ALCAM: variants seen among roughly 807,000 people sequenced by gnomAD.
ALCAM encodes activated leukocyte cell adhesion molecule.
A neutral mutation model predicts 70.9 loss-of-function variants in ALCAM; 30 were observed. That is an observed-to-expected ratio of 0.42 (90% CI 0.32 to 0.57). ALCAM has a LOEUF of 0.57. Among genes scored for constraint, ALCAM ranks in the 20% least tolerant of loss-of-function variants. The probability of loss-of-function intolerance (pLI) is 0.11; values close to 1 mark genes in which losing one functional copy is unlikely to be tolerated. For missense variants in ALCAM, 591 were observed against 695.1 expected (o/e 0.85, Z 1.68); for synonymous variants, 249 against 242.5 (o/e 1.03, Z -0.25).
intron 1 of ALCAM, among the ~76,000 whole-genome samples, chr3:105,392,752 T>A (rs1935856017): frequency 6.6e-6 from 1 of 151,960 alleles, no homozygotes; most frequent in African/African-American, 2.4e-5. Context: ...GCTTTAGCTG[T>A]GTCCCAGAGA....
chr3:105,447,456 T>G (rs777053869), intron 1 of ALCAM, among the ~76,000 whole-genome samples: 1 of 152,188 alleles, frequency 6.6e-6, no homozygotes, highest in Non-Finnish European at 1.5e-5. Flanking sequence ...CTCAGCACTT[T>G]GAGAGGCCAA....
At chr3:105,379,168 T>C (rs2107330483) in intron 1 of ALCAM, among the ~76,000 whole-genome samples, 1 of 152,154 alleles carries the variant, frequency 6.6e-6, no homozygotes, top group East Asian at 1.9e-4. Flanking sequence ...ATTTATATTA[T>C]GTTTGTCAGT....
intron 1 of ALCAM, among the ~76,000 whole-genome samples, chr3:105,451,866 G>A (rs1000557657): frequency 1.3e-5 from 2 of 152,006 alleles, no homozygotes; most frequent in Admixed American, 6.6e-5. Flanking sequence ...CACTGCGTTG[G>A]TTTGCCACCT....
intron 1 of ALCAM, among the ~76,000 whole-genome samples, chr3:105,435,305 C>G (rs997957463): frequency 6.6e-6 from 1 of 152,214 alleles, no homozygotes; most frequent in East Asian, 1.9e-4. Context: ...AACGTGTCTC[C>G]TAGAGCTGTT....
intron 2 of ALCAM, 26 bp downstream of exon 2, chr3:105,520,193 G>T: frequency 1.4e-6 from 2 of 1,461,922 alleles, no homozygotes; most frequent in Non-Finnish European, 1.9e-6. Context: ...CTGGGACTTG[G>T]TTAATTGCCC....
Position 105,461,072 on chromosome 3 carries a change from A to G in ALCAM, c.74-58995A>G, listed in dbSNP as rs1281067056. Among the ~76,000 whole-genome samples, 2 of 151,380 alleles carry G rather than the reference A, an allele frequency of 1.3e-5. 1 individual carries two copies. The highest frequency in any genetic ancestry group is 4.2e-4 in the South Asian group (2 of 4,818). ...GGGTGAATGTATTACTATGAAGTATAATACAGGGGTTAAAATCTCACATAT... is the reference window on the plus strand; with the variant it reads ...GGGTGAATGTATTACTATGAAGTATGATACAGGGGTTAAAATCTCACATAT... On this transcript the variant is annotated intron_variant, in intron 1 of 15. Transcript: ENST00000306107.
chr3:105,538,477 A>C (rs1940027391), intron 6 of ALCAM, among the ~76,000 whole-genome samples: 1 of 152,158 alleles, frequency 6.6e-6, no homozygotes, highest in Non-Finnish European at 1.5e-5. Flanking sequence ...GTCAAAACGC[A>C]AATGTGTTAC....
chr3:105,471,255 G>A (rs555891423), intron 1 of ALCAM, among the ~76,000 whole-genome samples: 13 of 151,112 alleles, frequency 8.6e-5, no homozygotes, highest in Non-Finnish European at 1.5e-4. Context: ...TTCTTTTTTG[G>A]AAGCCGGAAT....
At chr3:105,428,689 C>T (rs1936856112) in intron 1 of ALCAM, among the ~76,000 whole-genome samples, 1 of 151,858 alleles carries the variant, frequency 6.6e-6, no homozygotes, top group African/African-American at 2.4e-5. Context: ...TTTGCCTCTC[C>T]TATAGAAACA....
chr3:105,507,622 A>G (rs1939117694), intron 1 of ALCAM, among the ~76,000 whole-genome samples: 1 of 151,860 alleles, frequency 6.6e-6, no homozygotes. Flanking sequence ...TTTATTGCTA[A>G]ATAATATTTC....
intron 1 of ALCAM, among the ~76,000 whole-genome samples, chr3:105,518,714 G>C (rs903296990): frequency 2.6e-5 from 4 of 152,010 alleles, no homozygotes; most frequent in African/African-American, 9.7e-5. Flanking sequence ...TAAGCAATTT[G>C]AAGTAAACCT....
intron 15 of ALCAM, among the ~76,000 whole-genome samples, chr3:105,573,231 G>A (rs1940894085): frequency 6.6e-6 from 1 of 152,158 alleles, no homozygotes; most frequent in Non-Finnish European, 1.5e-5. Flanking sequence ...AGTGGCTGAG[G>A]CAGGGGAATC....
intron 1 of ALCAM, among the ~76,000 whole-genome samples, chr3:105,476,680 G>A (rs73189021): frequency 0.13 from 20,231 of 152,066 alleles, 1,426 homozygotes; most frequent in Middle Eastern, 0.18. Context: ...ATCTCAGTAA[G>A]TGGCATATCC....
chr3:105,473,814 G>C (rs1276625908), intron 1 of ALCAM, among the ~76,000 whole-genome samples: 2 of 151,448 alleles, frequency 1.3e-5, no homozygotes, highest in Non-Finnish European at 3.0e-5. Flanking sequence ...TCCTAGAAAG[G>C]TATTTAGGTC....
intron 1 of ALCAM, among the ~76,000 whole-genome samples, chr3:105,460,420 C>T (rs1320119663): frequency 6.6e-6 from 1 of 151,970 alleles, no homozygotes; most frequent in Non-Finnish European, 1.5e-5. Flanking sequence ...CACCAATTGT[C>T]TCTTAGATCA....
intron 2 of ALCAM, among the ~76,000 whole-genome samples, chr3:105,523,163 A>G (rs572718202): frequency 0.015 from 2,152 of 147,078 alleles, 58 homozygotes; most frequent in African/African-American, 0.051. Context: ...AAAAAAAAAA[A>G]AAAGAAAGCC....
At chr3:105,420,709 A>G (rs1296199118) in intron 1 of ALCAM, among the ~76,000 whole-genome samples, 1 of 151,690 alleles carries the variant, frequency 6.6e-6, no homozygotes, top group Non-Finnish European at 1.5e-5. Context: ...CTAGAGACAA[A>G]TAAGAACCAA....
At chr3:105,479,447 A>G (rs1938211083) in intron 1 of ALCAM, among the ~76,000 whole-genome samples, 3 of 152,332 alleles carry the variant, frequency 2.0e-5, no homozygotes, top group Middle Eastern at 3.4e-3. Context: ...CTAAAATATC[A>G]TACATAAAAT....
intron 5 of ALCAM, among the ~76,000 whole-genome samples, chr3:105,534,325 C>T (rs905141001): frequency 6.6e-6 from 1 of 152,132 alleles, no homozygotes; most frequent in Admixed American, 6.6e-5. Flanking sequence ...GACTCTTATG[C>T]TCTGTTACTT....
Sources: gnomAD v4.1 joint callset for allele counts (sites outside exome capture counted in the v4.1 genomes callset) on GRCh38, gnomAD v4.1.1 for gene constraint, MANE v1.5 for transcripts, NCBI Gene and HGNC (gene_info 2026-07-23, HGNC 2026-07-21) for gene names.